Variants in ITGA1 observed in about 807,000 individuals in gnomAD.
ITGA1 encodes integrin alpha-1.
A neutral mutation model predicts 145.9 loss-of-function variants in ITGA1; 85 were observed. The observed-to-expected ratio is 0.58, with a 90% CI of 0.49 to 0.70. The LOEUF is 0.70. ITGA1 is among the 30% of genes least tolerant of loss of function. The pLI is 0.00. For missense variants in ITGA1, 1,351 were observed against 1,418.7 expected (o/e 0.95, Z 0.77); for synonymous variants, 520 against 495.3 (o/e 1.05, Z -0.66).
At chr5:52,809,514 T>C (rs1051125487) in intron 1 of ITGA1, among the ~76,000 whole-genome samples, 1 of 150,616 alleles carries the variant, frequency 6.6e-6, no homozygotes, top group Non-Finnish European at 1.5e-5. Context: ...TTTTTTTTTT[T>C]TTTTTTTGGA....
At chr5:52,889,299 AC>A (rs1487999397) in intron 8 of ITGA1, among the ~76,000 whole-genome samples, 3 of 152,016 alleles carry the variant, frequency 2.0e-5, no homozygotes, top group Non-Finnish European at 1.5e-5. Flanking sequence ...ATGGGGTTTC[AC>A]CATGTTGGTC....
chr5:52,942,318 T>G (rs565049419), intron 26 of ITGA1, among the ~76,000 whole-genome samples: 2 of 152,196 alleles, frequency 1.3e-5, no homozygotes, highest in African/African-American at 4.8e-5. Flanking sequence ...TGAAAAATGA[T>G]GTTGGTACTT....
intron 6 of ITGA1, among the ~76,000 whole-genome samples, chr5:52,881,480 T>C (rs941733163): frequency 2.0e-5 from 3 of 152,194 alleles, no homozygotes; most frequent in African/African-American, 7.2e-5. Flanking sequence ...ATACAGTCCT[T>C]TCCACAGTTT....
intron 11 of ITGA1, among the ~76,000 whole-genome samples, chr5:52,900,428 C>G (rs1181656096): frequency 6.6e-6 from 1 of 152,018 alleles, no homozygotes; most frequent in East Asian, 1.9e-4. Flanking sequence ...TGGACCTAAC[C>G]TAGGGAAAAA....
At chr5:52,789,814 C>G (rs1243372694) in intron 1 of ITGA1, among the ~76,000 whole-genome samples, 1 of 152,164 alleles carries the variant, frequency 6.6e-6, no homozygotes, top group Non-Finnish European at 1.5e-5. Flanking sequence ...ACCAAATAAG[C>G]AGTCTCTAGA....
In ITGA1 at chr5:52,925,284, T is replaced by C. The variant is rs1367807389; in HGVS notation, c.2410T>C (p.Phe804Leu). Reference protein sequence around the residue: ...LPNSVHEYIPFAKDCGNKEKC... With the variant: ...LPNSVHEYIPLAKDCGNKEKC... The stretch of plus-strand genomic sequence containing the variant: ...TTTCCTGTCATCATTTCAGATTCCC[T>C]TTGCCAAAGATTGTGGAAATAAGGA... The change falls in exon 19 of 29, where the codon TTT (phenylalanine) becomes CTT (leucine). Residue 804 changes from phenylalanine to leucine, a missense_variant. Physicochemically the swap from Phe to Leu is conservative, Grantham distance 22. Transcript: ENST00000282588. The C allele has an allele frequency of 6.2e-7, 1 of 1,613,434 alleles. No individual in the cohort carries two copies. The highest frequency in any genetic ancestry group is 1.3e-5 in the African/African-American group (1 of 74,918).
At chr5:52,875,232 G>T (rs1452786426) in intron 6 of ITGA1, among the ~76,000 whole-genome samples, 1 of 151,592 alleles carries the variant, frequency 6.6e-6, no homozygotes, top group Non-Finnish European at 1.5e-5. Context: ...TTTGACCATA[G>T]AATTCTTTTT....
At chr5:52,846,671 A>G (rs941700080) in intron 1 of ITGA1, among the ~76,000 whole-genome samples, 1 of 152,246 alleles carries the variant, frequency 6.6e-6, no homozygotes, top group African/African-American at 2.4e-5. Context: ...GGAAATGTAC[A>G]TAAAAGGACC....
intron 1 of ITGA1, among the ~76,000 whole-genome samples, chr5:52,795,536 C>T (rs1487371328): frequency 2.6e-5 from 4 of 151,842 alleles, no homozygotes; most frequent in Non-Finnish European, 2.9e-5. Context: ...AGTAATTCAA[C>T]TCACCAATGA....
At chr5:52,903,846 A>C (rs560041538) in intron 11 of ITGA1, 1 of 152,332 alleles carries the variant, frequency 6.6e-6, no homozygotes, top group East Asian at 1.9e-4. Context: ...TTTCACTCAA[A>C]AATTAATCTT....
intron 12 of ITGA1, among the ~76,000 whole-genome samples, chr5:52,906,444 A>G (rs1439755059): frequency 6.6e-6 from 1 of 152,166 alleles, no homozygotes; most frequent in Non-Finnish European, 1.5e-5. Flanking sequence ...AAATTGAAAA[A>G]TTCTTATTAG....
chr5:52,912,998 G>A (rs1043227689), intron 14 of ITGA1, among the ~76,000 whole-genome samples: 52 of 151,746 alleles, frequency 3.4e-4, no homozygotes, highest in Non-Finnish European at 6.6e-4. Context: ...CGCCCACCTC[G>A]GCCTCCCAAA....
In ITGA1 at chr5:52,922,799, C is replaced by T; in HGVS notation, c.2315C>T (p.Ser772Phe). ...YMLDKHDFQDSVRITLDFNLT... is the reference protein window; with the variant it reads ...YMLDKHDFQDFVRITLDFNLT... ...TAGGACAAGCATGACTTTCAGGACTCTGTGAGAATAACGTTGGACTTTAAT... is the reference window on the plus strand; with the variant it reads ...TAGGACAAGCATGACTTTCAGGACTTTGTGAGAATAACGTTGGACTTTAAT... The change falls in exon 18 of 29, where the codon TCT (serine) becomes TTT (phenylalanine). Residue 772 changes from serine to phenylalanine, a missense_variant. By Grantham distance (155) the Ser-to-Phe change is radical. Transcript: ENST00000282588. 1.2e-6 allele frequency: 2 copies of T among 1,612,332 alleles called. No individual in the cohort carries two copies. Among genetic ancestry groups the T allele is most frequent in the Non-Finnish European group, 1.7e-6 (2 of 1,178,402 alleles).
chr5:52,958,976 G>A lies in ITGA1; in HGVS notation c.*6525G>A, dbSNP rs1352740517. 5.3e-5 allele frequency: 8 copies of A among 152,090 alleles called. No individual in the cohort carries two copies. The highest frequency in any genetic ancestry group is 1.9e-4 in the African/African-American group (8 of 41,418). The allele number at this position is 152,090 out of a possible 1,614,324, so 9.4% of individuals were successfully genotyped here. A position where few individuals can be genotyped will look rare whatever the true frequency, so the allele number is the denominator to read the frequency against. On this transcript the variant is annotated 3_prime_UTR_variant, in exon 29 of 29. Coordinates refer to ENST00000282588, the MANE Select transcript of ITGA1 (RefSeq NM_181501.2). Reference sequence around the variant, plus strand: ...TATATGCTTCATTTAAACCCATTTTGTAAAGAAATCAGGTAACAGTCATTT... The same window carrying A: ...TATATGCTTCATTTAAACCCATTTTATAAAGAAATCAGGTAACAGTCATTT...
intron 1 of ITGA1, chr5:52,824,767 G>A (rs919912671): frequency 1.3e-5 from 2 of 152,060 alleles, no homozygotes; most frequent in Admixed American, 6.6e-5. Flanking sequence ...AAAAAATAAA[G>A]ACAGAAGATC....
intron 14 of ITGA1, among the ~76,000 whole-genome samples, chr5:52,911,993 T>TATATATACTATATATACTATATATA (rs1554046457): frequency 2.4e-3 from 219 of 91,044 alleles, no homozygotes; most frequent in African/African-American, 0.011. Flanking sequence ...ATATGTATAG[T>TATATATACTATATATACTATATATA]GTGTATCTAC....
intron 2 of ITGA1, among the ~76,000 whole-genome samples, chr5:52,855,985 C>T (rs1297837387): frequency 2.0e-5 from 3 of 152,120 alleles, no homozygotes; most frequent in South Asian, 2.1e-4. Context: ...GTTCTCACTC[C>T]GCAATCTTCA....
chr5:52,937,569 GT>G (rs1750989846), intron 24 of ITGA1, 55 bp downstream of exon 24: 1 of 1,091,986 alleles, frequency 9.2e-7, no homozygotes, highest in African/African-American at 1.6e-5. Flanking sequence ...TCCACTTTAT[GT>G]TTAAGCCTTT....
At chr5:52,894,345 A>G (rs1750195242) in intron 9 of ITGA1, among the ~76,000 whole-genome samples, 1 of 152,152 alleles carries the variant, frequency 6.6e-6, no homozygotes, top group South Asian at 2.1e-4. Context: ...ATCCATGGCA[A>G]TGAAACATTG....
Sources: gnomAD v4.1 joint callset for allele counts (sites outside exome capture counted in the v4.1 genomes callset) on GRCh38, gnomAD v4.1.1 for gene constraint, MANE v1.5 for transcripts, NCBI Gene and HGNC (gene_info 2026-07-23, HGNC 2026-07-21) for gene names.